Variants in FRMD5 observed in about 807,000 individuals in gnomAD.
FRMD5 encodes the protein FERM domain-containing protein 5.
In FRMD5, 20 loss-of-function variants were observed where a neutral mutation model predicts 69.0. The observed-to-expected ratio is 0.29, with a 90% confidence interval of 0.20 to 0.42. FRMD5 has a LOEUF of 0.42. Ranked by LOEUF, FRMD5 falls within the 10% of genes least tolerant of loss-of-function variation. The pLI is 1.00. For synonymous variants in FRMD5, 271 were observed against 260.1 expected, an observed-to-expected ratio of 1.04 and a Z score of -0.40; for missense variants, 595 against 708.6, an observed-to-expected ratio of 0.84 and a Z score of 1.82.
chr15:43,986,764 C>T (rs1178390129), intron 1 of FRMD5, among the ~76,000 whole-genome samples: 1 of 149,690 alleles, frequency 6.7e-6, no homozygotes, highest in Non-Finnish European at 1.5e-5. Flanking sequence ...TATTGTGCTT[C>T]ACTTCATTGT....
chr15:43,930,296 C>T (rs190926914), intron 1 of FRMD5, among the ~76,000 whole-genome samples: 1 of 152,302 alleles, frequency 6.6e-6, no homozygotes, highest in Admixed American at 6.5e-5. Context: ...AAGCTCATTC[C>T]AGGGGGAAAT....
At chr15:44,092,145 C>T (rs965502495) in intron 1 of FRMD5, among the ~76,000 whole-genome samples, 4 of 152,008 alleles carry the variant, frequency 2.6e-5, no homozygotes, top group African/African-American at 9.7e-5. Flanking sequence ...GAATCTAGTC[C>T]CTCTGTTTTG....
At chr15:44,029,218 A>G (rs953718030) in intron 1 of FRMD5, among the ~76,000 whole-genome samples, 4 of 152,198 alleles carry the variant, frequency 2.6e-5, no homozygotes, top group South Asian at 2.1e-4. Flanking sequence ...TCCTAAAACA[A>G]GTTTGTAACC....
intron 1 of FRMD5, among the ~76,000 whole-genome samples, chr15:44,154,540 G>C (rs1351638494): frequency 1.3e-5 from 2 of 152,154 alleles, no homozygotes; most frequent in Non-Finnish European, 2.9e-5. Flanking sequence ...TTTATAATCA[G>C]TGCATACTTA....
intron 1 of FRMD5, among the ~76,000 whole-genome samples, chr15:43,925,555 C>T (rs2089569694): frequency 6.6e-6 from 1 of 152,300 alleles, no homozygotes; most frequent in Non-Finnish European, 1.5e-5. Context: ...TTTGCTATTA[C>T]AAACAATGTG....
chr15:43,977,913 G>A (rs1384637631), intron 1 of FRMD5, among the ~76,000 whole-genome samples: 1 of 152,058 alleles, frequency 6.6e-6, no homozygotes, highest in Non-Finnish European at 1.5e-5. Flanking sequence ...TAACAACCCT[G>A]ACTACAACAA....
At chr15:43,946,873 T>C (rs540303748) in intron 1 of FRMD5, among the ~76,000 whole-genome samples, 4 of 152,228 alleles carry the variant, frequency 2.6e-5, no homozygotes, top group Non-Finnish European at 5.9e-5. Flanking sequence ...CTGGTTAATT[T>C]ATTTACTAGT....
intron 1 of FRMD5, among the ~76,000 whole-genome samples, chr15:44,155,313 T>A (rs906255968): frequency 6.6e-6 from 1 of 151,646 alleles, no homozygotes; most frequent in Non-Finnish European, 1.5e-5. Flanking sequence ...GTGCCTGTAG[T>A]CCCAGCTACT....
chr15:44,079,881 A>G (rs764753584), intron 1 of FRMD5, among the ~76,000 whole-genome samples: 12 of 152,178 alleles, frequency 7.9e-5, no homozygotes, highest in Admixed American at 1.3e-4. Context: ...AATAAGCCAG[A>G]CACAAAAGGA....
At chr15:44,134,324 C>G (rs1470308690) in intron 1 of FRMD5, among the ~76,000 whole-genome samples, 2 of 152,058 alleles carry the variant, frequency 1.3e-5, no homozygotes, top group Non-Finnish European at 2.9e-5. Flanking sequence ...CCAAAATGAG[C>G]TAAGGCTCAT....
intron 1 of FRMD5, among the ~76,000 whole-genome samples, chr15:43,999,877 G>T (rs1175177193): frequency 1.4e-5 from 1 of 72,662 alleles, no homozygotes; most frequent in African/African-American, 4.5e-5. Context: ...GTGATATACA[G>T]ATACACACAT....
At chr15:43,898,356 T>C (rs989319058) in intron 7 of FRMD5, among the ~76,000 whole-genome samples, 1 of 152,190 alleles carries the variant, frequency 6.6e-6, no homozygotes, top group Non-Finnish European at 1.5e-5. Context: ...TATCCCTTCT[T>C]GTCTGCATCT....
chr15:43,946,344 C>A (rs1351939311), intron 1 of FRMD5, among the ~76,000 whole-genome samples: 1 of 152,164 alleles, frequency 6.6e-6, no homozygotes, highest in African/African-American at 2.4e-5. Context: ...ATAGTTTTCT[C>A]CTGTTTATAT....
At chr15:44,151,155 T>TGGG (rs1167512431) in intron 1 of FRMD5, among the ~76,000 whole-genome samples, 1 of 151,850 alleles carries the variant, frequency 6.6e-6, no homozygotes. Context: ...CCCAGCACTT[T>TGGG]GGGAGGCCAA....
intron 1 of FRMD5, among the ~76,000 whole-genome samples, chr15:44,178,216 T>C (rs1441019753): frequency 6.6e-6 from 1 of 151,952 alleles, no homozygotes; most frequent in Non-Finnish European, 1.5e-5. Flanking sequence ...CCCAGCTACT[T>C]GAGAGGCTCA....
At chr15:44,152,513 A>G (rs2077462948) in intron 1 of FRMD5, among the ~76,000 whole-genome samples, 1 of 152,210 alleles carries the variant, frequency 6.6e-6, no homozygotes, top group South Asian at 2.1e-4. Flanking sequence ...GCGTATGTTT[A>G]ATTTTATTAG....
At chr15:43,891,112 C>T (rs537532696) in intron 8 of FRMD5, among the ~76,000 whole-genome samples, 3 of 152,156 alleles carry the variant, frequency 2.0e-5, no homozygotes, top group Admixed American at 1.3e-4. Flanking sequence ...AGTCTGAGGC[C>T]CAGGAAGGTA....
At chr15:43,945,111 C>G (rs1454207118) in intron 1 of FRMD5, among the ~76,000 whole-genome samples, 5 of 152,018 alleles carry the variant, frequency 3.3e-5, no homozygotes, top group Non-Finnish European at 7.4e-5. Context: ...TATATGACAC[C>G]AGATAGGACA....
intron 1 of FRMD5, among the ~76,000 whole-genome samples, chr15:44,016,572 A>C (rs1195934078): frequency 6.6e-6 from 1 of 151,936 alleles, no homozygotes; most frequent in East Asian, 2.0e-4. Flanking sequence ...AAATACAAAA[A>C]ATTAGCCAGG....
Sources: allele counts gnomAD v4.1 joint callset (sites outside exome capture counted in the v4.1 genomes callset), GRCh38; gene constraint gnomAD v4.1.1; transcripts MANE v1.5; gene names NCBI Gene and HGNC (gene_info 2026-07-23, HGNC 2026-07-21).